RASAL2: variants seen among roughly 807,000 people sequenced by gnomAD.
RASAL2 encodes ras GTPase-activating protein nGAP.
Under a neutral mutation model 128.9 loss-of-function variants are expected in RASAL2, and 58 were observed. That is an observed-to-expected ratio of 0.45 (90% CI 0.36 to 0.56). The LOEUF is 0.56. Ranked by LOEUF, RASAL2 falls within the 20% of genes least tolerant of loss-of-function variation. RASAL2 has a pLI of 0.00. For synonymous variants in RASAL2, 561 were observed against 580.8 expected, an observed-to-expected ratio of 0.97 and a Z score of 0.49; for missense variants, 1,360 against 1,601.6, an observed-to-expected ratio of 0.85 and a Z score of 2.57.
At chr1:178,114,554 C>T (rs1237248673) in intron 1 of RASAL2, among the ~76,000 whole-genome samples, 1 of 150,448 alleles carries the variant, frequency 6.6e-6, no homozygotes, top group Non-Finnish European at 1.5e-5. Context: ...TGGAGTCTCG[C>T]TCTTTTGCCC....
At chr1:178,339,248 AT>A (rs1407765645) in intron 3 of RASAL2, among the ~76,000 whole-genome samples, 4 of 152,214 alleles carry the variant, frequency 2.6e-5, no homozygotes, top group Non-Finnish European at 4.4e-5. Flanking sequence ...TCCTTTCATC[AT>A]TTACACAGTT....
chr1:178,452,866 C>T (rs1390446830), intron 11 of RASAL2, among the ~76,000 whole-genome samples: 1 of 151,930 alleles, frequency 6.6e-6, no homozygotes, highest in Non-Finnish European at 1.5e-5. Context: ...TATTTGCAGG[C>T]ACTACAAACT....
intron 1 of RASAL2, among the ~76,000 whole-genome samples, chr1:178,252,980 G>C (rs554910844): frequency 6.6e-6 from 1 of 152,208 alleles, no homozygotes; most frequent in African/African-American, 2.4e-5. Flanking sequence ...TAGGACTGCT[G>C]TAAGAAATTA....
intron 2 of RASAL2, among the ~76,000 whole-genome samples, chr1:178,287,473 C>G (rs2093896826): frequency 6.6e-6 from 1 of 151,802 alleles, no homozygotes; most frequent in African/African-American, 2.4e-5. Context: ...AAAATATAAT[C>G]CTACTCCTGG....
At chr1:178,101,674 G>GT (rs1658906127) in intron 1 of RASAL2, among the ~76,000 whole-genome samples, 1 of 152,142 alleles carries the variant, frequency 6.6e-6, no homozygotes, top group Admixed American at 6.5e-5. Context: ...AATCCTTTAG[G>GT]TTTTCTCATT....
intron 9 of RASAL2, among the ~76,000 whole-genome samples, chr1:178,448,619 G>A (rs969983067): frequency 3.3e-5 from 5 of 151,688 alleles, no homozygotes; most frequent in African/African-American, 1.2e-4. Flanking sequence ...TATATCTCAT[G>A]ATTTGCTTTA....
intron 1 of RASAL2, among the ~76,000 whole-genome samples, chr1:178,174,794 A>G (rs1250659727): frequency 2.0e-5 from 3 of 152,190 alleles, no homozygotes; most frequent in East Asian, 1.9e-4. Context: ...ATTGAAGGCA[A>G]TAGCTGGTTC....
chr1:178,274,465 G>A (rs1666402673), intron 1 of RASAL2, among the ~76,000 whole-genome samples: 1 of 152,124 alleles, frequency 6.6e-6, no homozygotes, highest in African/African-American at 2.4e-5. Flanking sequence ...TTAAGTCTTA[G>A]TGTAGTTCAT....
intron 17 of RASAL2, among the ~76,000 whole-genome samples, chr1:178,470,069 C>T (rs1189651316): frequency 1.3e-5 from 2 of 152,230 alleles, no homozygotes; most frequent in Non-Finnish European, 2.9e-5. Context: ...TGACTTTAAA[C>T]ATCCTTTGGC....
chr1:178,286,888 AC>A (rs764737661), intron 2 of RASAL2, among the ~76,000 whole-genome samples: 2 of 152,156 alleles, frequency 1.3e-5, no homozygotes, highest in African/African-American at 4.8e-5. Context: ...TAAGGATCCC[AC>A]CTTATTGCTA....
intron 8 of RASAL2, among the ~76,000 whole-genome samples, chr1:178,444,395 T>A (rs1369959458): frequency 1.3e-5 from 2 of 152,150 alleles, no homozygotes; most frequent in Non-Finnish European, 2.9e-5. Context: ...TAATAGTGAT[T>A]CCTAAGTCTA....
chr1:178,370,364 G>A (rs928258166), intron 3 of RASAL2, among the ~76,000 whole-genome samples: 6 of 152,180 alleles, frequency 3.9e-5, no homozygotes, highest in Non-Finnish European at 7.4e-5. Context: ...GGATACTGGT[G>A]TGTCATGAAG....
chr1:178,415,135 A>G (rs932497387), intron 4 of RASAL2, among the ~76,000 whole-genome samples: 2 of 151,252 alleles, frequency 1.3e-5, no homozygotes, highest in African/African-American at 4.9e-5. Flanking sequence ...TTTTTTTTCT[A>G]GTTTTCTAAG....
chr1:178,311,287 C>CACAT (rs1230448469), intron 3 of RASAL2, among the ~76,000 whole-genome samples: 2 of 150,056 alleles, frequency 1.3e-5, no homozygotes, highest in South Asian at 2.1e-4. Context: ...CACACACACA[C>CACAT]ATTGAAAGCT....
intron 2 of RASAL2, among the ~76,000 whole-genome samples, chr1:178,289,977 A>T (rs534584163): frequency 6.6e-6 from 1 of 152,300 alleles, no homozygotes; most frequent in African/African-American, 2.4e-5. Flanking sequence ...CATACTTAGT[A>T]AGGCCAACCC....
chr1:178,134,155 A>C (rs941386702), intron 1 of RASAL2, among the ~76,000 whole-genome samples: 8 of 152,152 alleles, frequency 5.3e-5, no homozygotes, highest in African/African-American at 2.4e-5. Context: ...GATTCTCATA[A>C]CATTGTAGGC....
intron 1 of RASAL2, among the ~76,000 whole-genome samples, chr1:178,256,302 C>T (rs1273512195): frequency 4.6e-5 from 7 of 152,144 alleles, no homozygotes; most frequent in Non-Finnish European, 8.8e-5. Context: ...TGAGATTCAA[C>T]ACCTTTCATG....
intron 1 of RASAL2, among the ~76,000 whole-genome samples, chr1:178,188,473 T>A (rs1662385122): frequency 6.6e-6 from 1 of 152,174 alleles, no homozygotes; most frequent in East Asian, 1.9e-4. Context: ...ATATTTTGTC[T>A]GGTTTTCTAG....
chr1:178,469,488 G>A (rs1648064447), intron 17 of RASAL2, among the ~76,000 whole-genome samples: 1 of 152,130 alleles, frequency 6.6e-6, no homozygotes, highest in Non-Finnish European at 1.5e-5. Context: ...TAAAAGCCAG[G>A]GAGGGAATCT....
Sources: gnomAD v4.1 joint callset for allele counts (sites outside exome capture counted in the v4.1 genomes callset) on GRCh38, gnomAD v4.1.1 for gene constraint, MANE v1.5 for transcripts, NCBI Gene and HGNC (gene_info 2026-07-23, HGNC 2026-07-21) for gene names.